The following LCORL variants were observed in gnomAD, a reference collection of about 807,000 sequenced individuals.
The protein encoded by LCORL is ligand-dependent nuclear receptor corepressor-like protein.
A neutral mutation model predicts 141.8 loss-of-function variants in LCORL; 41 were observed. The ratio of observed to expected loss-of-function variants is 0.29; its 90% CI spans 0.23 to 0.38. The LOEUF is 0.38. Ranked by LOEUF, LCORL falls within the 10% of genes least tolerant of loss-of-function variation. The pLI is 1.00. For missense variants in LCORL, 1,759 were observed against 2,035.0 expected (o/e 0.86, Z 2.61); for synonymous variants, 618 against 694.1 (o/e 0.89, Z 1.72).
At position 17,842,478 on chromosome 4, in the gene LCORL, T is replaced by TAAC. The variant is rs1323057858; in HGVS notation, c.*3407_*3409dup. 4.9e-5 allele frequency: 45 copies of TAAC among 925,552 alleles called. No individual in the cohort carries two copies. In the Middle Eastern group the frequency reaches 6.5e-4, roughly 13 times the overall value. 57.3% of individuals were successfully genotyped at this position (925,552 alleles called of 1,614,324 possible). On this transcript the variant is annotated 3_prime_UTR_variant, in exon 8 of 8. Transcript: ENST00000635767. ...TTTCTTGCGAATGAGAGAGAATATA[T>TAAC]AACAAGATAGTGAAAACTATAAATA...
rs141158573 is a variant in LCORL at position 17,891,288 on chromosome 4, T to G, written c.683-5127A>C. On this transcript the variant is annotated intron_variant, in intron 5 of 7. Coordinates refer to ENST00000635767, the Ensembl canonical transcript of LCORL. ...TACTTGAGAGGCTGAGACGGAAGAA[T>G]TACCTGAGCCCAGAGTTTAAGTCCA... Among the ~76,000 whole-genome samples the G allele has an allele frequency of 6.8e-4, 103 of 152,200 alleles. 1 individual carries two copies. Among genetic ancestry groups the G allele is most frequent in the African/African-American group, 2.4e-3 (99 of 41,542 alleles).
intron 5 of LCORL, among the ~76,000 whole-genome samples, chr4:17,896,872 C>T (rs1233984303): frequency 6.6e-6 from 1 of 151,968 alleles, no homozygotes; most frequent in Non-Finnish European, 1.5e-5. Context: ...TTACCCCACC[C>T]CCCACTATCC....
intron 3 of LCORL, among the ~76,000 whole-genome samples, chr4:17,962,356 G>T (rs1278676125): frequency 6.6e-6 from 1 of 151,676 alleles, no homozygotes; most frequent in African/African-American, 2.4e-5. Flanking sequence ...CAACAAAGCA[G>T]ATGTGTTTAC....
exon 7 of LCORL, chr4:17,878,166 C>T: frequency 1.6e-6 from 2 of 1,229,940 alleles, no homozygotes. Flanking sequence ...TGCTGATTTT[C>T]TTTTTTCCAT....
chr4:17,978,168 T>G (rs907142780), intron 1 of LCORL, among the ~76,000 whole-genome samples: 2 of 152,204 alleles, frequency 1.3e-5, no homozygotes, highest in Non-Finnish European at 2.9e-5. Flanking sequence ...TTTTTCTGCT[T>G]TTTTGCATAT....
At chr4:17,987,674 A>G (rs1402473814) in intron 1 of LCORL, among the ~76,000 whole-genome samples, 2 of 152,190 alleles carry the variant, frequency 1.3e-5, no homozygotes, top group African/African-American at 4.8e-5. Context: ...ACATCCTTAC[A>G]AACACTTTGA....
At chr4:17,867,560 G>C (rs1344842321) in intron 7 of LCORL, among the ~76,000 whole-genome samples, 1 of 152,172 alleles carries the variant, frequency 6.6e-6, no homozygotes, top group Non-Finnish European at 1.5e-5. Context: ...ACAACCACCA[G>C]TATGTGGAAT....
At chr4:17,938,422 T>C (rs1023454495) in intron 4 of LCORL, among the ~76,000 whole-genome samples, 5 of 150,392 alleles carry the variant, frequency 3.3e-5, no homozygotes, top group South Asian at 2.1e-4. Context: ...TCTTTCTTTT[T>C]TTTTTTTTTT....
At chr4:17,960,749 C>T (rs561433212) in intron 4 of LCORL, among the ~76,000 whole-genome samples, 53 of 152,118 alleles carry the variant, frequency 3.5e-4, no homozygotes, top group South Asian at 6.2e-4. Context: ...TGCCACTGTA[C>T]CTGGCCATAA....
chr4:17,962,442 G>C (rs1714011358), intron 3 of LCORL, among the ~76,000 whole-genome samples: 1 of 151,970 alleles, frequency 6.6e-6, no homozygotes, highest in Non-Finnish European at 1.5e-5. Flanking sequence ...CAGTAGAAAA[G>C]AAATCAGAAT....
Position 17,897,213 on chromosome 4 carries a change from C to CCTTTTTTTTTTTTTTTTTTT in LCORL, c.683-11053_683-11052insAAAAAAAAAAAAAAAAAAAG, listed in dbSNP as rs1553863446. ...AGACTTCTCTTTGATATACTGATTT[C>CCTTTTTTTTTTTTTTTTTTT]TTTTTTTTTTTTTTTTTTTTTTTTT... On this transcript the variant is annotated intron_variant, in intron 5 of 7. Coordinates refer to ENST00000635767, the Ensembl canonical transcript of LCORL. 1.4e-3 allele frequency among the ~76,000 whole-genome samples: 89 copies of CCTTTTTTTTTTTTTTTTTTT among 63,986 alleles called. 41 individuals carry two copies. Among genetic ancestry groups the CCTTTTTTTTTTTTTTTTTTT allele is most frequent in the Middle Eastern group, 0.015 (1 of 68 alleles). The allele number at this position is 63,986 out of a possible 152,430, so 42.0% of individuals were successfully genotyped here. A position where few individuals can be genotyped will look rare whatever the true frequency, so the allele number is the denominator to read the frequency against.
chr4:17,947,779 T>C (rs866667563), intron 4 of LCORL, among the ~76,000 whole-genome samples: 36 of 152,108 alleles, frequency 2.4e-4, no homozygotes, highest in Middle Eastern at 6.8e-3. Flanking sequence ...TCAGAACAGA[T>C]ACCCACGTGA....
intron 7 of LCORL, among the ~76,000 whole-genome samples, chr4:17,868,677 A>G (rs1189409473): frequency 6.6e-6 from 1 of 152,024 alleles, no homozygotes; most frequent in East Asian, 1.9e-4. Flanking sequence ...CTGGATCTAT[A>G]TTTGTGCTAC....
chr4:18,018,033 G>C (rs890197225), intron 1 of LCORL, among the ~76,000 whole-genome samples: 4 of 152,044 alleles, frequency 2.6e-5, no homozygotes, highest in African/African-American at 9.7e-5. Context: ...TAGGTACATA[G>C]GAGTTCTATT....
chr4:17,982,678 C>T (rs188870653), intron 1 of LCORL, among the ~76,000 whole-genome samples: 55 of 152,238 alleles, frequency 3.6e-4, no homozygotes, highest in African/African-American at 1.3e-3. Context: ...TAACCTTTGT[C>T]AGATGCATAG....
At chr4:18,010,323 T>TA (rs1723501733) in intron 1 of LCORL, among the ~76,000 whole-genome samples, 1 of 152,116 alleles carries the variant, frequency 6.6e-6, no homozygotes, top group African/African-American at 2.4e-5. Flanking sequence ...TTTGAGAGTT[T>TA]AAAAAATACA....
intron 1 of LCORL, among the ~76,000 whole-genome samples, chr4:17,980,420 C>T (rs1717758570): frequency 6.6e-6 from 1 of 152,164 alleles, no homozygotes; most frequent in Non-Finnish European, 1.5e-5. Context: ...GATGTCACAG[C>T]TTAACGTAAA....
At chr4:17,885,977 A>T in intron 6 of LCORL, 91 bp downstream of exon 6, 1 of 578,180 alleles carries the variant, frequency 1.7e-6, no homozygotes, top group Non-Finnish European at 2.8e-6. Context: ...GGAAAACTAT[A>T]TACGTCAATA....
intron 7 of LCORL, among the ~76,000 whole-genome samples, chr4:17,861,387 G>A (rs918708377): frequency 3.3e-5 from 5 of 152,140 alleles, no homozygotes; most frequent in Admixed American, 6.5e-5. Context: ...GCCGTACCTC[G>A]GCCCCTTTTA....
Sources: gnomAD v4.1 joint callset for allele counts (sites outside exome capture counted in the v4.1 genomes callset) on GRCh38, gnomAD v4.1.1 for gene constraint, MANE v1.5 for transcripts, NCBI Gene and HGNC (gene_info 2026-07-23, HGNC 2026-07-21) for gene names.